The following DPH6 variants were observed in gnomAD, a reference collection of about 807,000 sequenced individuals.
DPH6 encodes the protein diphthamine biosynthesis 6, also known as diphthine--ammonia ligase.
A neutral mutation model predicts 38.2 loss-of-function variants in DPH6; 33 were observed. That is an observed-to-expected ratio of 0.86 (90% CI 0.65 to 1.15). The LOEUF is 1.15. Among genes scored for constraint, DPH6 ranks in the 50% most tolerant of loss-of-function variants. The pLI is 0.00. For missense variants in DPH6, 325 were observed against 320.0 expected (o/e 1.02, Z -0.12); for synonymous variants, 108 against 103.0 (o/e 1.05, Z -0.30).
At chr15:35,369,351 G>A (rs1256942895), downstream of DPH6, among the ~76,000 whole-genome samples, 25 of 151,800 alleles carry the variant, frequency 1.6e-4, no homozygotes, top group Admixed American at 1.6e-3. Flanking sequence ...GGGGTGGAAT[G>A]TTAATTCGTT....
At chr15:35,193,436 ATTT>A in the DPH6 span, among the ~76,000 whole-genome samples, 1 of 152,102 alleles carries the variant, frequency 6.6e-6, no homozygotes, top group Non-Finnish European at 1.5e-5. Flanking sequence ...TATAATTATT[ATTT>A]AATAATTTCT....
intron 3 of DPH6, among the ~76,000 whole-genome samples, chr15:35,517,923 T>C (rs772713758): frequency 6.6e-6 from 1 of 152,094 alleles, no homozygotes; most frequent in Non-Finnish European, 1.5e-5. Flanking sequence ...TTATTTGTAA[T>C]TAAAACAATG....
At chr15:35,464,512 C>A (rs889269343) in intron 3 of DPH6, among the ~76,000 whole-genome samples, 5 of 152,136 alleles carry the variant, frequency 3.3e-5, no homozygotes, top group African/African-American at 1.2e-4. Flanking sequence ...TGTCTTCCAA[C>A]ATCTTCCCTA....
chr15:35,344,018 C>T (rs972899679), intron 3 of DPH6, among the ~76,000 whole-genome samples: 7 of 151,960 alleles, frequency 4.6e-5, no homozygotes, highest in African/African-American at 1.7e-4. Flanking sequence ...ATTCATTACC[C>T]TTCATGTTTA....
chr15:35,401,437 G>A (rs1595532671), intron 6 of DPH6: 1 of 774,136 alleles, frequency 1.3e-6, no homozygotes, highest in East Asian at 2.4e-5. Flanking sequence ...TTATTCTGGA[G>A]GAAGCAGGGG....
chr15:35,217,936 C>T (rs188855288), exon 4 of DPH6: 16 of 152,180 alleles, frequency 1.1e-4, no homozygotes, highest in Admixed American at 6.5e-4. Flanking sequence ...AGTCATCTCT[C>T]GATGACTTAT....
chr15:35,515,925 G>A (rs1381180495), intron 3 of DPH6, among the ~76,000 whole-genome samples: 1 of 151,958 alleles, frequency 6.6e-6, no homozygotes, highest in Admixed American at 6.6e-5. Flanking sequence ...AATTCTTGGT[G>A]ATACGTCCGT....
chr15:35,337,027 G>A (rs908892719), intron 3 of DPH6, among the ~76,000 whole-genome samples: 3 of 152,128 alleles, frequency 2.0e-5, no homozygotes, highest in Non-Finnish European at 4.4e-5. Flanking sequence ...AATGGTACCA[G>A]TTCCTCCTTG....
chr15:35,439,686 C>G (rs2053762152), intron 5 of DPH6, among the ~76,000 whole-genome samples: 1 of 152,020 alleles, frequency 6.6e-6, no homozygotes, highest in South Asian at 2.1e-4. Flanking sequence ...GCTAACAGGT[C>G]CAGGAGCCCA....
chr15:35,253,591 A>G (rs2140411320), intron 3 of DPH6, among the ~76,000 whole-genome samples: 1 of 152,212 alleles, frequency 6.6e-6, no homozygotes, highest in Middle Eastern at 3.4e-3. Context: ...TGGTTTCAAA[A>G]CTCTAAGTAA....
At chr15:35,219,293 G>A (rs917498540) in exon 4 of DPH6, 5 of 152,058 alleles carry the variant, frequency 3.3e-5, no homozygotes, top group Non-Finnish European at 7.4e-5. Context: ...TATCATTTTA[G>A]GTTAAAAATT....
intron 3 of DPH6, among the ~76,000 whole-genome samples, chr15:35,353,420 A>G (rs953973349): frequency 1.8e-4 from 27 of 152,308 alleles, no homozygotes; most frequent in African/African-American, 6.5e-4. Context: ...TAAGTCTAAC[A>G]TGTAAGTCTT....
At chr15:35,222,440 G>A (rs1261272854) in intron 3 of DPH6, among the ~76,000 whole-genome samples, 1 of 152,122 alleles carries the variant, frequency 6.6e-6, no homozygotes, top group Non-Finnish European at 1.5e-5. Context: ...GATGATCAGG[G>A]TACAGCTTGG....
intron 3 of DPH6, among the ~76,000 whole-genome samples, chr15:35,482,992 A>G (rs1454029457): frequency 6.6e-6 from 1 of 151,990 alleles, no homozygotes; most frequent in Admixed American, 6.5e-5. Context: ...TTAAAATTTT[A>G]AAATTATAAA....
At chr15:35,327,150 T>G (rs925151291), downstream of DPH6, among the ~76,000 whole-genome samples, 1 of 150,338 alleles carries the variant, frequency 6.7e-6, no homozygotes, top group African/African-American at 2.5e-5. Flanking sequence ...ATTCAAATCT[T>G]GTATTCTGCA....
At chr15:35,347,895 A>G (rs1015110264) in intron 3 of DPH6, among the ~76,000 whole-genome samples, 2 of 152,098 alleles carry the variant, frequency 1.3e-5, no homozygotes, top group African/African-American at 4.8e-5. Context: ...TTTCCCTGAT[A>G]GTGATGTTGA....
the DPH6 span, among the ~76,000 whole-genome samples, chr15:35,151,967 C>G: frequency 6.6e-6 from 1 of 152,170 alleles, no homozygotes; most frequent in African/African-American, 2.4e-5. Flanking sequence ...CTCACCATGA[C>G]TACAACTGCT....
the DPH6 span, among the ~76,000 whole-genome samples, chr15:35,182,625 G>A: frequency 2.6e-5 from 4 of 152,224 alleles, no homozygotes; most frequent in Non-Finnish European, 4.4e-5. Context: ...AAGTTGAAGT[G>A]AGGAACAAAG....
intron 3 of DPH6, among the ~76,000 whole-genome samples, chr15:35,266,311 G>A (rs1275730711): frequency 1.3e-5 from 2 of 152,122 alleles, no homozygotes; most frequent in African/African-American, 4.8e-5. Flanking sequence ...ATCATATATG[G>A]TATATATAAA....
Sources: gnomAD v4.1 joint callset for allele counts (sites outside exome capture counted in the v4.1 genomes callset) on GRCh38, gnomAD v4.1.1 for gene constraint, MANE v1.5 for transcripts, NCBI Gene and HGNC (gene_info 2026-07-23, HGNC 2026-07-21) for gene names.